UBAC2: variants seen among roughly 807,000 people sequenced by gnomAD.
UBAC2 encodes the protein UBA domain containing 2, also known as ubiquitin-associated domain-containing protein 2.
In UBAC2, 26 loss-of-function variants were observed where a neutral mutation model predicts 44.0. The observed-to-expected ratio is 0.59, with a 90% CI of 0.43 to 0.82. The LOEUF is 0.82. UBAC2 is among the 40% of genes least tolerant of loss of function. The probability of loss-of-function intolerance (pLI) is 0.00; values close to 1 mark genes in which losing one functional copy is unlikely to be tolerated. For missense variants in UBAC2, 329 were observed against 419.4 expected (o/e 0.78, Z 1.88); for synonymous variants, 155 against 154.3 (o/e 1.00, Z -0.04).
At position 99,200,899 on chromosome 13, in the gene UBAC2, C is replaced by T. The variant is rs2042785797; in HGVS notation, c.-10C>T. 1 of 1,303,246 alleles carries T rather than the reference C, an allele frequency of 7.7e-7. No individual in the cohort carries two copies. Among genetic ancestry groups the T allele is most frequent in the Non-Finnish European group, 9.8e-7 (1 of 1,017,954 alleles). The allele number at this position is 1,303,246 out of a possible 1,614,324, so 80.7% of individuals were successfully genotyped here. ...CCGGCGCCCTCTGGGGCTCCGAGCC[C>T]GGCGGGACCATGTTCACCAGCACCG... On this transcript the variant is annotated 5_prime_UTR_variant, in exon 1 of 9. Coordinates refer to ENST00000403766, the MANE Select transcript of UBAC2 (RefSeq NM_001144072.2).
At chr13:99,359,821 G>A (rs900652304) in intron 7 of UBAC2, among the ~76,000 whole-genome samples, 3 of 152,220 alleles carry the variant, frequency 2.0e-5, no homozygotes, top group Non-Finnish European at 2.9e-5. Context: ...GAGTCACATC[G>A]CCCTTCGCTG....
intron 4 of UBAC2, among the ~76,000 whole-genome samples, chr13:99,270,550 A>G (rs935712350): frequency 1.3e-5 from 2 of 152,232 alleles, no homozygotes; most frequent in African/African-American, 4.8e-5. Flanking sequence ...GTCCAAGATT[A>G]TAGTGGTATC....
chr13:99,338,748 A>G (rs1176526977), intron 6 of UBAC2, among the ~76,000 whole-genome samples: 2 of 152,196 alleles, frequency 1.3e-5, no homozygotes, highest in East Asian at 1.9e-4. Flanking sequence ...CTGTTCTTGT[A>G]AACACCTTGT....
chr13:99,244,006 T>G, intron 3 of UBAC2, 55 bp downstream of exon 3: 1 of 1,362,634 alleles, frequency 7.3e-7, no homozygotes, highest in South Asian at 1.5e-5. Context: ...AAAATTTTGT[T>G]TAAATGGATT....
In UBAC2 at chr13:99,385,234, C is replaced by T. The variant is rs748641623; in HGVS notation, c.934C>T (p.Arg312Trp). Residue 312 changes from arginine (R) to tryptophan (W), a missense_variant, in exon 9 of 9, where the codon CGG becomes TGG. Transcript: ENST00000403766. ...GCGTTTTCTCTGCCTGCAGGTCGCCCGGCTCATGGAGATGGGATTTTCCAG... is the reference window on the plus strand; with the variant it reads ...GCGTTTTCTCTGCCTGCAGGTCGCCTGGCTCATGGAGATGGGATTTTCCAG... The part of the protein sequence containing the change: ...PLEVSEEQVA[R>W]LMEMGFSRGD... 44 of 1,613,858 alleles carry T rather than the reference C, an allele frequency of 2.7e-5. No individual in the cohort carries two copies. The highest frequency in any genetic ancestry group is 1.1e-4 in the East Asian group (5 of 44,898).
At chr13:99,300,420 C>T (rs1167902868) in intron 4 of UBAC2, among the ~76,000 whole-genome samples, 2 of 152,164 alleles carry the variant, frequency 1.3e-5, no homozygotes, top group Non-Finnish European at 2.9e-5. Context: ...TATATTTATC[C>T]TGTGTTATTA....
At chr13:99,253,956 AG>A (rs1193781547) in intron 4 of UBAC2, among the ~76,000 whole-genome samples, 14 of 152,244 alleles carry the variant, frequency 9.2e-5, no homozygotes, top group African/African-American at 3.1e-4. Context: ...TCAGGATAAT[AG>A]GGGCTTTACA....
rs538575507 is a variant in UBAC2, at chr13:99,247,446, C to T, written c.389+2822C>T. 7.3e-5 allele frequency among the ~76,000 whole-genome samples: 11 copies of T among 150,148 alleles called. No individual in the cohort carries two copies. In the South Asian group the frequency reaches 2.3e-3, roughly 32 times the overall value. On this transcript the variant is annotated intron_variant, in intron 4 of 8. Coordinates refer to ENST00000403766, the MANE Select transcript of UBAC2 (RefSeq NM_001144072.2). ...AGCCAGGATGGTCTCGATCTCCTGA[C>T]CTCGTGATCCGCCCGCCTCGGCCTC...
chr13:99,237,777 A>G (rs974515125), intron 1 of UBAC2, among the ~76,000 whole-genome samples: 5 of 152,216 alleles, frequency 3.3e-5, no homozygotes, highest in Non-Finnish European at 7.3e-5. Flanking sequence ...CAACATGGTG[A>G]AACATGGTCT....
intron 4 of UBAC2, chr13:99,254,929 A>C: frequency 6.2e-7 from 1 of 1,614,164 alleles, no homozygotes; most frequent in South Asian, 1.1e-5. Flanking sequence ...ACCAGATCGG[A>C]AACTTTTTCT....
At chr13:99,368,726 T>TGTAC (rs57174182) in intron 8 of UBAC2, among the ~76,000 whole-genome samples, 1 of 145,480 alleles carries the variant, frequency 6.9e-6, no homozygotes, top group Non-Finnish European at 1.5e-5. Context: ...TGTGTGTGTG[T>TGTAC]ACACATACCC....
At chr13:99,368,711 G>GTGTGTGTGTGTGTGTGTGTGTGTGTGTT (rs1458485589) in intron 8 of UBAC2, among the ~76,000 whole-genome samples, 19 of 151,938 alleles carry the variant, frequency 1.3e-4, no homozygotes, top group Non-Finnish European at 2.5e-4. Flanking sequence ...GTGTGTGTGT[G>GTGTGTGTGTGTGTGTGTGTGTGTGTGTT]TGTGTGTGTG....
intron 8 of UBAC2, among the ~76,000 whole-genome samples, chr13:99,373,858 A>G (rs1425180224): frequency 1.3e-5 from 2 of 152,124 alleles, no homozygotes; most frequent in Non-Finnish European, 2.9e-5. Context: ...TACACAAGAA[A>G]CACCATCATT....
chr13:99,378,391 G>C (rs961925614), intron 8 of UBAC2, among the ~76,000 whole-genome samples: 6 of 152,120 alleles, frequency 3.9e-5, no homozygotes, highest in African/African-American at 1.4e-4. Context: ...GCCAGGCATG[G>C]TGGCACATGC....
intron 8 of UBAC2, among the ~76,000 whole-genome samples, chr13:99,375,019 C>T (rs537360370): frequency 6.6e-6 from 1 of 152,236 alleles, no homozygotes; most frequent in African/African-American, 2.4e-5. Flanking sequence ...ATTGGAAATA[C>T]GTTTTCTAAC....
intron 6 of UBAC2, among the ~76,000 whole-genome samples, chr13:99,339,058 A>G (rs1187589017): frequency 1.3e-5 from 2 of 151,778 alleles, no homozygotes; most frequent in East Asian, 3.9e-4. Context: ...CCTAAATGTC[A>G]TATCATATCC....
At chr13:99,316,255 T>G (rs1261140918) in intron 5 of UBAC2, among the ~76,000 whole-genome samples, 1 of 152,034 alleles carries the variant, frequency 6.6e-6, no homozygotes, top group African/African-American at 2.4e-5. Context: ...CTGTCTGGTG[T>G]CAACTCCCCC....
intron 1 of UBAC2, among the ~76,000 whole-genome samples, chr13:99,224,556 T>G (rs1339240173): frequency 6.6e-6 from 1 of 152,186 alleles, no homozygotes; most frequent in African/African-American, 2.4e-5. Context: ...GATTCTATGA[T>G]TCACTGTGCA....
chr13:99,330,677 G>A (rs58182971), intron 6 of UBAC2, among the ~76,000 whole-genome samples: 2,166 of 151,682 alleles, frequency 0.014, 58 homozygotes, highest in African/African-American at 0.05. Context: ...TACTAGCTAG[G>A]ACCTCTAATA....
Sources: gnomAD v4.1 joint callset for allele counts (sites outside exome capture counted in the v4.1 genomes callset) on GRCh38, gnomAD v4.1.1 for gene constraint, MANE v1.5 for transcripts, NCBI Gene and HGNC (gene_info 2026-07-23, HGNC 2026-07-21) for gene names.